SPEN: variants seen among roughly 807,000 people sequenced by gnomAD.
SPEN encodes msx2-interacting protein.
Under a neutral mutation model 269.9 loss-of-function variants are expected in SPEN, and 18 were observed. The ratio of observed to expected loss-of-function variants is 0.07; its 90% CI spans 0.05 to 0.10. SPEN has a LOEUF of 0.10. SPEN is among the 10% of genes least tolerant of loss of function. The pLI is 1.00. For missense variants in SPEN, 3,822 were observed against 4,631.2 expected (o/e 0.83, Z 5.07); for synonymous variants, 1,726 against 1,765.7 (o/e 0.98, Z 0.56).
intron 1 of SPEN, among the ~76,000 whole-genome samples, chr1:15,867,549 T>C (rs895421816): frequency 2.6e-5 from 4 of 152,166 alleles, no homozygotes; most frequent in African/African-American, 9.7e-5. Context: ...AGATTGTTTC[T>C]CATTTTTGGC....
At chr1:15,856,455 C>G (rs1449154417) in intron 1 of SPEN, among the ~76,000 whole-genome samples, 1 of 151,568 alleles carries the variant, frequency 6.6e-6, no homozygotes, top group Non-Finnish European at 1.5e-5. Context: ...TTTTCGTCAC[C>G]AATACAAATC....
chr1:15,930,941 G>C lies in SPEN; in HGVS notation c.4701G>C (p.Glu1567Asp). ...GGATCTATGGGAAGCAGACATCTGA[G>C]GGAGCAAACAGCACAACTGATTCCA... ...SGRIYGKQTS[E>D]GANSTTDSIQ... Residue 1567 changes from glutamate (E) to aspartate (D), a missense_variant, in exon 11 of 15, where the codon GAG becomes GAC. Physicochemically the swap from Glu to Asp is conservative, Grantham distance 45. Transcript: ENST00000375759. This position sits in a 1 kb window ranked among gnomAD's most constrained non-coding sequence, Gnocchi z 5.3. The C allele has an allele frequency of 6.2e-7, 1 of 1,614,126 alleles. No individual in the cohort carries two copies. The highest frequency in any genetic ancestry group is 8.5e-7 in the Non-Finnish European group (1 of 1,180,014).
At chr1:15,923,830 C>G (rs1049711596) in intron 10 of SPEN, among the ~76,000 whole-genome samples, 1 of 151,798 alleles carries the variant, frequency 6.6e-6, no homozygotes. Context: ...CCACCATGCC[C>G]GGCTAATTTT....
intron 6 of SPEN, among the ~76,000 whole-genome samples, chr1:15,917,047 G>C (rs1489811371): frequency 6.6e-6 from 1 of 152,168 alleles, no homozygotes; most frequent in Non-Finnish European, 1.5e-5. Flanking sequence ...AGAACCACTT[G>C]AGCCCAGGAA....
At position 15,929,824 on chromosome 1, in the gene SPEN, C is replaced by T; in HGVS notation, c.3584C>T (p.Pro1195Leu). ...EIAKSEKFGS[P>L]KKDVDEYERR... is the part of the protein sequence containing the mutation. ...GCCAAGTCTGAGAAGTTTGGCAGTCCTAAAAAAGATGTAGATGAATATGAA... is the reference window on the plus strand; with the variant it reads ...GCCAAGTCTGAGAAGTTTGGCAGTCTTAAAAAAGATGTAGATGAATATGAA... The change falls in exon 11 of 15, where the codon CCT (proline) becomes CTT (leucine). Residue 1195 changes from proline (P) to leucine (L), a missense_variant. Physicochemically the swap from Pro to Leu is moderately conservative, Grantham distance 98. This residue lies in a region of SPEN where 46 missense variants were observed against 94.0 expected (regional missense o/e 0.49). Coordinates refer to ENST00000375759, the MANE Select transcript of SPEN (RefSeq NM_015001.3). This position sits in a 1 kb window ranked among gnomAD's most constrained non-coding sequence, Gnocchi z 5.8. 1 of 1,614,036 alleles carries T rather than the reference C, an allele frequency of 6.2e-7. No homozygotes were observed. Among genetic ancestry groups the T allele is most frequent in the Non-Finnish European group, 8.5e-7 (1 of 1,180,032 alleles).
chr1:15,876,468 T>C lies in SPEN; in HGVS notation c.671T>C (p.Ile224Thr), dbSNP rs764161970. ...CACAGGGATATCTACAGGGATGATA[T>C]TACCCGGGAGGTACGAGGCAGAAGG... ...VVHRDIYRDDITREVRGRRPE... is the reference protein window; with the variant it reads ...VVHRDIYRDDTTREVRGRRPE... The change falls in exon 3 of 15, where the codon ATT (isoleucine) becomes ACT (threonine). Residue 224 changes from isoleucine to threonine, a missense_variant. Coordinates refer to ENST00000375759, the MANE Select transcript of SPEN (RefSeq NM_015001.3). The C allele has an allele frequency of 3.1e-6, 5 of 1,614,030 alleles. No individual in the cohort carries two copies. Among genetic ancestry groups the C allele is most frequent in the South Asian group, 1.1e-5 (1 of 91,068 alleles).
intron 5 of SPEN, 32 bp from the exon 6 acceptor site, chr1:15,916,096 C>T (rs199653032): frequency 4.5e-5 from 72 of 1,584,552 alleles, no homozygotes; most frequent in Non-Finnish European, 6.0e-5. Flanking sequence ...ATACTGTCTT[C>T]TCTTTTTACT....
At position 15,932,151 on chromosome 1, in the gene SPEN, C is replaced by G. The variant is rs750127658; in HGVS notation, c.5911C>G (p.Pro1971Ala). 8.1e-6 allele frequency: 13 copies of G among 1,612,786 alleles called. No individual in the cohort carries two copies. The highest frequency in any genetic ancestry group is 1.0e-5 in the Non-Finnish European group (12 of 1,179,440). Residue 1971 changes from proline (P) to alanine (A), a missense_variant, in exon 11 of 15, where the codon CCT becomes GCT. Coordinates refer to ENST00000375759, the MANE Select transcript of SPEN (RefSeq NM_015001.3). This position sits in a 1 kb window ranked among gnomAD's most constrained non-coding sequence, Gnocchi z 4.2. ...DEEEENEAKE[P>A]AETLKPPEGW... ...AGAGGAGGAGAACGAGGCCAAGGAACCTGCAGAAACACTCAAGCCACCTGA... is the reference window on the plus strand; with the variant it reads ...AGAGGAGGAGAACGAGGCCAAGGAAGCTGCAGAAACACTCAAGCCACCTGA...
chr1:15,898,558 C>CTTTTTTTTTTTTTTTTT (rs375319827), intron 3 of SPEN, among the ~76,000 whole-genome samples: 1 of 131,976 alleles, frequency 7.6e-6, no homozygotes, highest in Non-Finnish European at 1.6e-5. Context: ...TTCTTTTTTT[C>CTTTTTTTTTTTTTTTTT]TTTTTTTTTT....
chr1:15,857,877 C>G (rs2070403030), intron 1 of SPEN, among the ~76,000 whole-genome samples: 1 of 151,986 alleles, frequency 6.6e-6, no homozygotes, highest in Non-Finnish European at 1.5e-5. Context: ...CACCTGTAAT[C>G]CCAGCACTTT....
Position 15,896,763 on chromosome 1 carries a change from A to G in SPEN, c.882-12558A>G, listed in dbSNP as rs185167170. On this transcript the variant is annotated intron_variant, in intron 3 of 14. Transcript: ENST00000375759. Reference sequence around the variant, plus strand: ...TAAAGGGTCATTGTAATCAGAGGAAAAATTACTAGCTTGGGCAACATAGTG... The same window carrying G: ...TAAAGGGTCATTGTAATCAGAGGAAGAATTACTAGCTTGGGCAACATAGTG... 7.9e-5 allele frequency among the ~76,000 whole-genome samples: 12 copies of G among 152,298 alleles called. No individual in the cohort carries two copies. In the East Asian group the frequency reaches 1.9e-3, roughly 25 times the overall value.
In SPEN at chr1:15,938,642, C is replaced by T. The variant is rs1295113344; in HGVS notation, c.10705-76C>T. 4 of 1,428,038 alleles carry T rather than the reference C, an allele frequency of 2.8e-6. No individual in the cohort carries two copies. The East Asian group carries it at 7.6e-5, about 27-fold the overall frequency. The allele number at this position is 1,428,038 out of a possible 1,614,324, so 88.5% of individuals were successfully genotyped here. ...CTCAGAGGTGGGGGTTTTTGTGGAC[C>T]TGATACTGTGGGTTGGATGTGGGCT... On this transcript the variant is annotated intron_variant, in intron 13 of 14. Transcript: ENST00000375759.
chr1:15,933,172 C>T lies in SPEN; in HGVS notation c.6932C>T (p.Ser2311Leu), dbSNP rs2071239278. 6.2e-7 allele frequency: 1 copy of T among 1,614,198 alleles called. No individual in the cohort carries two copies. The highest frequency in any genetic ancestry group is 1.3e-5 in the African/African-American group (1 of 75,046). Residue 2311 changes from serine to leucine, a missense_variant, in exon 11 of 15, where the codon TCA becomes TTA. Ser to Leu is a moderately radical substitution (Grantham distance 145). This residue lies in a region of SPEN where 727 missense variants were observed against 737.9 expected (regional missense o/e 0.99). Coordinates refer to ENST00000375759, the MANE Select transcript of SPEN (RefSeq NM_015001.3). This position sits in a 1 kb window ranked among gnomAD's most constrained non-coding sequence, Gnocchi z 5.7. ...GGAAATAGCAGTGAAACCTCACACT[C>T]AGTGCCAGAAGCCAAAGGGTCTAAA... ...ARGNSSETSH[S>L]VPEAKGSKEV...
Position 15,931,618 on chromosome 1 carries a change from C to T in SPEN, c.5378C>T (p.Ala1793Val). 6.2e-7 allele frequency: 1 copy of T among 1,614,154 alleles called. No individual in the cohort carries two copies. The highest frequency in any genetic ancestry group is 8.5e-7 in the Non-Finnish European group (1 of 1,180,014). Reference protein sequence around the residue: ...AEPDANQKAEAAPESQPPASE... With the variant: ...AEPDANQKAEVAPESQPPASE... ...CCTGATGCAAACCAGAAAGCCGAAGCTGCTCCTGAGTCTCAGCCCCCAGCT... is the reference window on the plus strand; with the variant it reads ...CCTGATGCAAACCAGAAAGCCGAAGTTGCTCCTGAGTCTCAGCCCCCAGCT... Residue 1793 changes from alanine (A) to valine (V), a missense_variant, in exon 11 of 15, where the codon GCT becomes GTT. By Grantham distance (64) the Ala-to-Val change is moderately conservative. Around this residue, in one of 16 missense-constraint regions of SPEN, gnomAD observed 533 missense variants for 618.8 expected, o/e 0.86. Coordinates refer to ENST00000375759, the MANE Select transcript of SPEN (RefSeq NM_015001.3). The surrounding 1 kb of genome is among the most constrained non-coding windows in gnomAD (Gnocchi z 4.8).
chr1:15,933,431 A>G lies in SPEN; in HGVS notation c.7191A>G (p.Ser2397=). The G allele has an allele frequency of 6.2e-7, 1 of 1,614,102 alleles. No homozygotes were observed. Among genetic ancestry groups the G allele is most frequent in the Non-Finnish European group, 8.5e-7 (1 of 1,180,022 alleles). ...AACCCCATTCCACTCCTCCTCAGTC[A>G]TGTACTTCTGACCTAAGCAAGATTC... ...SEKPHSTPPQ[S]CTSDLSKIPS... The change falls in exon 11 of 15, where the codon TCA becomes TCG. Residue 2397 remains serine, a synonymous_variant. Coordinates refer to ENST00000375759, the MANE Select transcript of SPEN (RefSeq NM_015001.3). This position sits in a 1 kb window ranked among gnomAD's most constrained non-coding sequence, Gnocchi z 5.7.
intron 13 of SPEN, 31 bp from the exon 14 acceptor site, chr1:15,938,687 C>A: frequency 6.2e-7 from 1 of 1,600,714 alleles, no homozygotes; most frequent in South Asian, 1.1e-5. Context: ...CTAGGAGGCC[C>A]CTGCTCACTG....
At chr1:15,901,928 G>GTTTTTT (rs35730805) in intron 3 of SPEN, among the ~76,000 whole-genome samples, 2 of 100,280 alleles carry the variant, frequency 2.0e-5, no homozygotes, top group African/African-American at 4.2e-5. Context: ...TATTTATTTA[G>GTTTTTT]TTTTTTTTTT....
chr1:15,932,156 A>C lies in SPEN; in HGVS notation c.5916A>C (p.Ala1972=). 9.3e-6 allele frequency: 15 copies of C among 1,612,994 alleles called. No homozygotes were observed. Among genetic ancestry groups the C allele is most frequent in the Non-Finnish European group, 1.2e-5 (14 of 1,179,518 alleles). Residue 1972 remains alanine (A), a synonymous_variant, in exon 11 of 15, where the codon GCA becomes GCC. Transcript: ENST00000375759. The surrounding 1 kb of genome is among the most constrained non-coding windows in gnomAD (Gnocchi z 4.2). ...AGGAGAACGAGGCCAAGGAACCTGC[A>C]GAAACACTCAAGCCACCTGAGGGAT... ...EEEENEAKEP[A]ETLKPPEGWR...
Position 15,928,160 on chromosome 1 carries a change from C to T in SPEN, c.1920C>T (p.Gly640=). 1 of 1,614,128 alleles carries T rather than the reference C, an allele frequency of 6.2e-7. No individual in the cohort carries two copies. The highest frequency in any genetic ancestry group is 8.5e-7 in the Non-Finnish European group (1 of 1,180,006). ...ATTATGAGAGTGTTCGAACTCCAGGCACTTATCCTGAGGATTCCAGGCGGG... is the reference window on the plus strand; with the variant it reads ...ATTATGAGAGTGTTCGAACTCCAGGTACTTATCCTGAGGATTCCAGGCGGG... The part of the protein sequence containing the change: ...RTYYESVRTP[G]TYPEDSRRDY... Residue 640 remains glycine (G), a synonymous_variant, in exon 11 of 15, where the codon GGC becomes GGT. Coordinates refer to ENST00000375759, the MANE Select transcript of SPEN (RefSeq NM_015001.3). The surrounding 1 kb of genome is among the most constrained non-coding windows in gnomAD (Gnocchi z 5.7).
Sources: allele counts gnomAD v4.1 joint callset (sites outside exome capture counted in the v4.1 genomes callset), GRCh38; gene constraint gnomAD v4.1.1; regional missense constraint gnomAD v4.1.1; non-coding constraint Gnocchi (gnomAD v3.1); transcripts MANE v1.5; gene names NCBI Gene and HGNC (gene_info 2026-07-23, HGNC 2026-07-21).